Variants in SEPSECS observed in about 807,000 individuals in gnomAD.
SEPSECS encodes the protein Sep (O-phosphoserine) tRNA:Sec (selenocysteine) tRNA synthase, also known as O-phosphoseryl-tRNA(Sec) selenium transferase.
SEPSECS carries 42 observed loss-of-function variants against 52.1 expected under a neutral mutation model. The observed-to-expected ratio is 0.81, with a 90% CI of 0.63 to 1.04. SEPSECS has a LOEUF of 1.04. SEPSECS is among the 50% of genes least tolerant of loss of function. The pLI is 0.00. For missense variants in SEPSECS, 590 were observed against 610.6 expected (o/e 0.97, Z 0.36); for synonymous variants, 216 against 211.4 (o/e 1.02, Z -0.19).
At chr4:25,154,944 T>A in intron 5 of SEPSECS, 54 bp downstream of exon 5, 1 of 1,550,092 alleles carries the variant, frequency 6.5e-7, no homozygotes. Flanking sequence ...AATTAGTATA[T>A]TTTATTTAAA....
Position 25,124,600 on chromosome 4 carries a change from C to A in SEPSECS, c.1212-375G>T, listed in dbSNP as rs561194883. Among the ~76,000 whole-genome samples, 5 of 152,042 alleles carry A rather than the reference C, an allele frequency of 3.3e-5. No homozygotes were observed. In the South Asian group the frequency reaches 1.0e-3, roughly 32 times the overall value. On this transcript the variant is annotated intron_variant, in intron 10 of 10. Coordinates refer to ENST00000382103, the MANE Select transcript of SEPSECS (RefSeq NM_016955.4). ...AAAAGAAAATGATTTGGTTTTGTGC[C>A]AAATCTGGAATATGACTTCATATAT... is the stretch of plus-strand genomic sequence containing the variant.
At position 25,122,279 on chromosome 4, in the gene SEPSECS, T is replaced by C. The variant is rs971667414; in HGVS notation, c.*1652A>G. On this transcript the variant is annotated 3_prime_UTR_variant, in exon 11 of 11. Transcript: ENST00000382103. ...TCCAAGGTGGTCAAGCCAGTGGCCA[T>C]AGGCGTCTACCTTACACATGTCTGA... The C allele has an allele frequency of 2.6e-5, 4 of 152,164 alleles. No homozygotes were observed. The highest frequency in any genetic ancestry group is 3.2e-3 in the Middle Eastern group (1 of 316). The allele number at this position is 152,164 out of a possible 1,614,324, so 9.4% of individuals were successfully genotyped here.
intron 5 of SEPSECS, among the ~76,000 whole-genome samples, chr4:25,153,938 G>C (rs1377702569): frequency 3.3e-5 from 5 of 152,038 alleles, no homozygotes; most frequent in South Asian, 2.1e-4. Flanking sequence ...CGAAAGCAAA[G>C]TATCCACAAG....
chr4:25,150,724 G>A (rs62411562), intron 6 of SEPSECS, among the ~76,000 whole-genome samples: 18,042 of 152,168 alleles, frequency 0.12, 1,217 homozygotes, highest in Middle Eastern at 0.18. Flanking sequence ...TGCTAGCAAG[G>A]GCTGGGCGCA....
chr4:25,155,039 A>C lies in SEPSECS; in HGVS notation c.660T>G (p.Ile220Met). Residue 220 changes from isoleucine to methionine, a missense_variant, in exon 5 of 11, where the codon ATT becomes ATG. Coordinates refer to ENST00000382103, the MANE Select transcript of SEPSECS (RefSeq NM_016955.4). ...GAGCAAAACAGGATGTAGTAGAATG[A>C]ATACACAGAATGCAATCAGGCCCAA... ...QELGPDCILC[I>M]HSTTSCFAPR... 1.9e-6 allele frequency: 3 copies of C among 1,614,194 alleles called. No individual in the cohort carries two copies. Among genetic ancestry groups the C allele is most frequent in the Non-Finnish European group, 2.5e-6 (3 of 1,180,010 alleles).
chr4:25,140,268 G>A (rs1729007443), intron 8 of SEPSECS, among the ~76,000 whole-genome samples: 2 of 152,224 alleles, frequency 1.3e-5, no homozygotes, highest in South Asian at 2.1e-4. Context: ...CAATGACAGT[G>A]ATTCTGCACA....
At chr4:25,159,954 C>T in intron 1 of SEPSECS, 1 of 985,286 alleles carries the variant, frequency 1.0e-6, no homozygotes, top group South Asian at 4.7e-5. Flanking sequence ...TTGCCCTTTC[C>T]GCGAATAAAA....
chr4:25,159,973 T>C (rs1227616872), intron 1 of SEPSECS: 3 of 985,148 alleles, frequency 3.0e-6, no homozygotes, highest in East Asian at 2.3e-4. Context: ...AAAAGTACAC[T>C]GGGACTTTCC....
At position 25,155,050 on chromosome 4, in the gene SEPSECS, T is replaced by C; in HGVS notation, c.649A>G (p.Ile217Val). ...GATGTAGTAGAATGAATACACAGAATGCAATCAGGCCCAAGTTCCTGGACT... is the reference window on the plus strand; with the variant it reads ...GATGTAGTAGAATGAATACACAGAACGCAATCAGGCCCAAGTTCCTGGACT... ...AKVQELGPDC[I>V]LCIHSTTSCF... Residue 217 changes from isoleucine to valine, a missense_variant, in exon 5 of 11, where the codon ATT becomes GTT. By Grantham distance (29) the Ile-to-Val change is conservative. Coordinates refer to ENST00000382103, the MANE Select transcript of SEPSECS (RefSeq NM_016955.4). The C allele has an allele frequency of 6.2e-7, 1 of 1,614,160 alleles. No individual in the cohort carries two copies. Among genetic ancestry groups the C allele is most frequent in the Non-Finnish European group, 8.5e-7 (1 of 1,179,998 alleles).
chr4:25,148,326 C>T (rs1351850289), intron 6 of SEPSECS, among the ~76,000 whole-genome samples: 3 of 142,950 alleles, frequency 2.1e-5, no homozygotes, highest in Non-Finnish European at 4.5e-5. Flanking sequence ...GCACTCCAGC[C>T]TGGGCGACAG....
At chr4:25,128,225 C>A (rs1350012742) in intron 8 of SEPSECS, among the ~76,000 whole-genome samples, 1 of 152,130 alleles carries the variant, frequency 6.6e-6, no homozygotes, top group African/African-American at 2.4e-5. Flanking sequence ...AGGACTTTGT[C>A]TTCTTCACCA....
chr4:25,121,169 A>G lies in SEPSECS; in HGVS notation c.*2762T>C. On this transcript the variant is annotated 3_prime_UTR_variant, in exon 11 of 11. Coordinates refer to ENST00000382103, the MANE Select transcript of SEPSECS (RefSeq NM_016955.4). ...ATTTACAGTTGAACACCAGGTTCCT[A>G]AGGCTGGCGTCACATATCATTCCCT... 1 of 152,154 alleles carries G rather than the reference A, an allele frequency of 6.6e-6. No individual in the cohort carries two copies. Among genetic ancestry groups the G allele is most frequent in the East Asian group, 1.9e-4 (1 of 5,200 alleles). The allele number at this position is 152,154 out of a possible 1,614,324, so 9.4% of individuals were successfully genotyped here.
At chr4:25,143,101 C>T (rs892918797) in intron 8 of SEPSECS, among the ~76,000 whole-genome samples, 2 of 152,190 alleles carry the variant, frequency 1.3e-5, no homozygotes, top group Non-Finnish European at 2.9e-5. Context: ...CCACAGTCTT[C>T]TCTTGGCTAC....
At chr4:25,128,589 T>C (rs1207406714) in intron 8 of SEPSECS, among the ~76,000 whole-genome samples, 1 of 152,096 alleles carries the variant, frequency 6.6e-6, no homozygotes, top group Admixed American at 6.6e-5. Context: ...TAAGTGGCAG[T>C]TTAACAGTTA....
rs1423416829 is a variant in SEPSECS at position 25,159,121 on chromosome 4, A to C, written c.115-14T>G. 4.5e-6 allele frequency: 7 copies of C among 1,565,850 alleles called. No homozygotes were observed. Among genetic ancestry groups the C allele is most frequent in the Admixed American group, 2.0e-5 (1 of 49,704 alleles). ...TGGACACTTGCCCTTAAAAAAAAAAAAAAACTTATGATTATATTTAATAAA... is the reference window on the plus strand; with the variant it reads ...TGGACACTTGCCCTTAAAAAAAAAACAAAACTTATGATTATATTTAATAAA... On this transcript the variant is annotated splice_polypyrimidine_tract_variant and intron_variant, in intron 1 of 10. Transcript: ENST00000382103.
At chr4:25,146,351 T>C (rs1453490933) in intron 6 of SEPSECS, among the ~76,000 whole-genome samples, 1 of 152,178 alleles carries the variant, frequency 6.6e-6, no homozygotes, top group African/African-American at 2.4e-5. Context: ...TGGAGGCCAT[T>C]ATACAACTGT....
intron 4 of SEPSECS, among the ~76,000 whole-genome samples, chr4:25,155,660 A>C (rs1712579609): frequency 6.6e-6 from 1 of 152,236 alleles, no homozygotes. Context: ...AAACATAATA[A>C]ATTTCAGTAG....
intron 8 of SEPSECS, among the ~76,000 whole-genome samples, chr4:25,135,093 T>C (rs1728783158): frequency 1.3e-5 from 2 of 151,930 alleles, no homozygotes; most frequent in Non-Finnish European, 2.9e-5. Context: ...CACTAAATGC[T>C]CACATCAAAA....
intron 8 of SEPSECS, among the ~76,000 whole-genome samples, chr4:25,143,110 A>G (rs1013085915): frequency 6.6e-6 from 1 of 152,236 alleles, no homozygotes; most frequent in Non-Finnish European, 1.5e-5. Context: ...TCTCTTGGCT[A>G]CAACAATCTA....
Sources: allele counts gnomAD v4.1 joint callset (sites outside exome capture counted in the v4.1 genomes callset), GRCh38; gene constraint gnomAD v4.1.1; transcripts MANE v1.5; gene names NCBI Gene and HGNC (gene_info 2026-07-23, HGNC 2026-07-21).